The following MAPKAP1 variants were observed in gnomAD, a reference collection of about 807,000 sequenced individuals.
The protein encoded by MAPKAP1 is MAPK associated protein 1.
In MAPKAP1, 20 loss-of-function variants were observed where a neutral mutation model predicts 65.7. That is an observed-to-expected ratio of 0.30 (90% CI 0.21 to 0.44). The LOEUF (loss-of-function observed/expected upper bound fraction) is 0.44, where lower values mean the gene tolerates loss of function less well. Ranked by LOEUF, MAPKAP1 falls within the 20% of genes least tolerant of loss-of-function variation. The probability of loss-of-function intolerance (pLI) is 1.00; values close to 1 mark genes in which losing one functional copy is unlikely to be tolerated. For synonymous variants in MAPKAP1, 222 were observed against 244.3 expected, an observed-to-expected ratio of 0.91 and a Z score of 0.85; for missense variants, 423 against 648.0, an observed-to-expected ratio of 0.65 and a Z score of 3.77.
At chr9:125,484,770 T>C (rs1854440525) in intron 8 of MAPKAP1, among the ~76,000 whole-genome samples, 187 bp from the exon 9 acceptor site, 1 of 152,146 alleles carries the variant, frequency 6.6e-6, no homozygotes, top group Admixed American at 6.5e-5. Flanking sequence ...CATTCAACAA[T>C]TAATTCCACA....
intron 11 of MAPKAP1, among the ~76,000 whole-genome samples, chr9:125,441,527 G>A (rs184260077): frequency 6.4e-4 from 98 of 152,278 alleles, no homozygotes; most frequent in African/African-American, 2.2e-3. Context: ...TTCTACAAGC[G>A]CAAAAAGCTC....
intron 7 of MAPKAP1, among the ~76,000 whole-genome samples, chr9:125,538,328 C>G (rs541834524): frequency 2.0e-5 from 3 of 151,918 alleles, no homozygotes; most frequent in African/African-American, 7.3e-5. Flanking sequence ...CCAACAGAGA[C>G]GAAGACAACT....
rs551997903 is a variant in MAPKAP1 at position 125,561,231 on chromosome 9, A to T, written c.672-1422T>A. 2.6e-5 allele frequency among the ~76,000 whole-genome samples: 4 copies of T among 152,332 alleles called. No individual in the cohort carries two copies. In the East Asian group the frequency reaches 7.7e-4, roughly 29 times the overall value. ...GATGTGACAATGAATTATTTCACTG[A>T]CTACCTGACTTGCAATTTTCCCAAT... On this transcript the variant is annotated intron_variant, in intron 5 of 11. Coordinates refer to ENST00000265960, the MANE Select transcript of MAPKAP1 (RefSeq NM_001006617.3).
intron 1 of MAPKAP1, among the ~76,000 whole-genome samples, chr9:125,675,798 T>C (rs1834627426): frequency 6.6e-6 from 1 of 152,198 alleles, no homozygotes; most frequent in South Asian, 2.1e-4. Context: ...AATTTTGTTG[T>C]AGAGATAAGT....
At chr9:125,482,618 G>A (rs1854359463) in intron 9 of MAPKAP1, among the ~76,000 whole-genome samples, 1 of 152,086 alleles carries the variant, frequency 6.6e-6, no homozygotes. Context: ...ATAGGTTCTT[G>A]GAAACTTCAA....
intron 7 of MAPKAP1, 23 bp from the exon 8 acceptor site, chr9:125,506,440 G>A: frequency 1.3e-6 from 2 of 1,591,384 alleles, no homozygotes; most frequent in East Asian, 2.2e-5. Context: ...AGGGGCAGGA[G>A]GAGGGGAGGA....
At chr9:125,668,163 C>T (rs557042592) in intron 3 of MAPKAP1, among the ~76,000 whole-genome samples, 1 of 152,326 alleles carries the variant, frequency 6.6e-6, no homozygotes, top group Non-Finnish European at 1.5e-5. Context: ...TATGAGAAAT[C>T]AAGAAGCACT....
intron 7 of MAPKAP1, among the ~76,000 whole-genome samples, chr9:125,509,253 C>G (rs1218002129): frequency 1.4e-5 from 2 of 146,330 alleles, no homozygotes; most frequent in African/African-American, 2.6e-5. Flanking sequence ...TATATATAAA[C>G]ATTATGTATG....
Position 125,693,666 on chromosome 9 carries a change from C to CGTAT in MAPKAP1, c.-70+13304_-70+13305insATAC, listed in dbSNP as rs1488253193. Among the ~76,000 whole-genome samples the CGTAT allele has an allele frequency of 1.7e-3, 228 of 134,372 alleles. 8 individuals are homozygous for CGTAT. Among genetic ancestry groups the CGTAT allele is most frequent in the African/African-American group, 6.2e-3 (204 of 33,100 alleles). 88.2% of individuals were successfully genotyped at this position (134,372 alleles called of 152,430 possible). A position where few individuals can be genotyped will look rare whatever the true frequency, so the allele number is the denominator to read the frequency against. On this transcript the variant is annotated intron_variant, in intron 1 of 11. Coordinates refer to ENST00000265960, the MANE Select transcript of MAPKAP1 (RefSeq NM_001006617.3). ...ACATATACACGTATACATACACACA[C>CGTAT]ATATACACGTATATATACACGTATA...
chr9:125,629,029 C>A (rs1341566747), intron 4 of MAPKAP1, among the ~76,000 whole-genome samples: 1 of 150,800 alleles, frequency 6.6e-6, no homozygotes, highest in African/African-American at 2.4e-5. Flanking sequence ...ACCATACTTA[C>A]ACCTGTTAGG....
intron 5 of MAPKAP1, among the ~76,000 whole-genome samples, chr9:125,579,949 AT>A (rs1162478739): frequency 8.5e-5 from 13 of 152,228 alleles, no homozygotes; most frequent in Admixed American, 8.5e-4. Context: ...CTATTTAAAA[AT>A]GTCATATAAT....
chr9:125,668,540 C>T (rs952046599), intron 3 of MAPKAP1, among the ~76,000 whole-genome samples: 1 of 152,164 alleles, frequency 6.6e-6, no homozygotes, highest in African/African-American at 2.4e-5. Flanking sequence ...AGAAGACAGA[C>T]TGCAGATATT....
chr9:125,698,292 T>TATATAA (rs1835466926), intron 1 of MAPKAP1, among the ~76,000 whole-genome samples: 18 of 3,952 alleles, frequency 4.6e-3, no homozygotes, highest in Non-Finnish European at 8.8e-3. Flanking sequence ...TATATAAATA[T>TATATAA]ATATATATAT....
chr9:125,503,880 C>CTTTTTTTTTTTTTTTTT lies in MAPKAP1; in HGVS notation c.1066+2413_1066+2429dup, dbSNP rs35867576. Among the ~76,000 whole-genome samples the CTTTTTTTTTTTTTTTTT allele has an allele frequency of 8.0e-4, 53 of 66,238 alleles. 12 individuals carry two copies. Among genetic ancestry groups the CTTTTTTTTTTTTTTTTT allele is most frequent in the African/African-American group, 2.5e-3 (31 of 12,592 alleles). 43.5% of individuals were successfully genotyped at this position (66,238 alleles called of 152,430 possible). A position where few individuals can be genotyped will look rare whatever the true frequency, so the allele number is the denominator to read the frequency against. ...TATAGGCACCCGCCACCACGCTTGG[C>CTTTTTTTTTTTTTTTTT]TTTTTTTTTTTTTTTTTTTTTTTTT... On this transcript the variant is annotated intron_variant, in intron 8 of 11. Coordinates refer to ENST00000265960, the MANE Select transcript of MAPKAP1 (RefSeq NM_001006617.3).
chr9:125,482,670 T>A (rs1251190644), intron 9 of MAPKAP1, among the ~76,000 whole-genome samples: 1 of 152,242 alleles, frequency 6.6e-6, no homozygotes, highest in Non-Finnish European at 1.5e-5. Context: ...CAATGTCGTT[T>A]TGTTATAATG....
intron 9 of MAPKAP1, among the ~76,000 whole-genome samples, chr9:125,476,346 C>T (rs1854108738): frequency 6.6e-6 from 1 of 152,132 alleles, no homozygotes; most frequent in African/African-American, 2.4e-5. Flanking sequence ...ATCAGAATTG[C>T]CAACTTCAAA....
intron 11 of MAPKAP1, among the ~76,000 whole-genome samples, chr9:125,440,593 G>T (rs191355460): frequency 6.6e-6 from 1 of 152,188 alleles, no homozygotes; most frequent in African/African-American, 2.4e-5. Context: ...GCTCCCGGGG[G>T]AGGCAGCGCG....
chr9:125,679,453 ACAACAG>A (rs1834756468), intron 1 of MAPKAP1, among the ~76,000 whole-genome samples: 2 of 152,212 alleles, frequency 1.3e-5, no homozygotes, highest in South Asian at 4.1e-4. Context: ...CAGTGCTTGT[ACAACAG>A]CAAGAAACAA....
chr9:125,490,658 A>G (rs1333829331), intron 8 of MAPKAP1, among the ~76,000 whole-genome samples: 1 of 152,248 alleles, frequency 6.6e-6, no homozygotes, highest in African/African-American at 2.4e-5. Flanking sequence ...AAGGCTATTG[A>G]AATATTCTTC....
Sources: allele counts gnomAD v4.1 joint callset (sites outside exome capture counted in the v4.1 genomes callset), GRCh38; gene constraint gnomAD v4.1.1; transcripts MANE v1.5; gene names NCBI Gene and HGNC (gene_info 2026-07-23, HGNC 2026-07-21).